Variants in KIF21B observed in about 807,000 individuals in gnomAD.
KIF21B encodes kinesin-like protein KIF21B.
KIF21B carries 85 observed loss-of-function variants against 192.9 expected under a neutral mutation model. The ratio of observed to expected loss-of-function variants is 0.44; its 90% confidence interval spans 0.37 to 0.53. The LOEUF is 0.53. Ranked by LOEUF, KIF21B falls within the 20% of genes least tolerant of loss-of-function variation. The probability of loss-of-function intolerance (pLI) is 0.00; values close to 1 mark genes in which losing one functional copy is unlikely to be tolerated. For synonymous variants in KIF21B, 832 were observed against 884.6 expected (o/e 0.94, Z 1.05); for missense variants, 1,716 against 2,194.8 (o/e 0.78, Z 4.36).
Position 200,984,929 on chromosome 1 carries a change from G to A in KIF21B, c.3733C>T (p.Arg1245Trp), listed in dbSNP as rs781065888. Residue 1245 changes from arginine to tryptophan, a missense_variant, in exon 27 of 35, where the codon CGG becomes TGG. Around this residue, in one of 3 missense-constraint regions of KIF21B, gnomAD observed 580 missense variants for 775.5 expected, o/e 0.75. Coordinates refer to ENST00000461742, the MANE Select transcript of KIF21B (RefSeq NM_001252102.2). ...GFTPPSSPPT[R>W]PRNDRNVFSR... ...AAGACATTGCGGTCATTGCGGGGCC[G>A]AGTGGGAGGGGATGATGGGGGTGTG... The A allele has an allele frequency of 1.3e-5, 21 of 1,607,224 alleles. No homozygotes were observed. The highest frequency in any genetic ancestry group is 5.5e-5 in the South Asian group (5 of 90,178).
At chr1:201,012,240 G>A (rs1658273858) in intron 1 of KIF21B, among the ~76,000 whole-genome samples, 1 of 152,148 alleles carries the variant, frequency 6.6e-6, no homozygotes, top group Non-Finnish European at 1.5e-5. Flanking sequence ...AGGTGAGCAT[G>A]CCTGAGCAGT....
At chr1:200,986,518 T>C (rs1656313049) in intron 26 of KIF21B, among the ~76,000 whole-genome samples, 1 of 151,976 alleles carries the variant, frequency 6.6e-6, no homozygotes, top group Non-Finnish European at 1.5e-5. Context: ...CCACTATGCC[T>C]GGCTAATTTT....
chr1:200,996,699 T>C (rs1657090051), intron 14 of KIF21B, among the ~76,000 whole-genome samples: 1 of 152,084 alleles, frequency 6.6e-6, no homozygotes, highest in Non-Finnish European at 1.5e-5. Flanking sequence ...GCTGGCTGGG[T>C]TCTGACCCAT....
Position 200,974,712 on chromosome 1 carries a change from A to C in KIF21B, c.4814+2T>G. On this transcript the variant is annotated splice_donor_variant, in intron 34 of 34. Transcript: ENST00000461742. LOFTEE classifies it high-confidence loss of function. ...AGGCAGACCTCTCTGACCAGCACCC[A>C]CCTGGAGGCTGTGAAGATATGCTTG... The C allele has an allele frequency of 6.2e-7, 1 of 1,614,112 alleles. No individual in the cohort carries two copies. The highest frequency in any genetic ancestry group is 8.5e-7 in the Non-Finnish European group (1 of 1,179,976).
At chr1:200,984,762 G>T in intron 27 of KIF21B, 97 bp downstream of exon 27, 1 of 833,968 alleles carries the variant, frequency 1.2e-6, no homozygotes, top group Non-Finnish European at 1.8e-6. Context: ...GGCTGGGGTT[G>T]GCTTGGCCAC....
In KIF21B at chr1:200,974,767, G is replaced by T. The variant is rs1263742406; in HGVS notation, c.4761C>A (p.Asp1587Glu). Residue 1587 changes from aspartate (D) to glutamate (E), a missense_variant, in exon 34 of 35, where the codon GAC (aspartate) becomes GAA (glutamate). By Grantham distance (45) the Asp-to-Glu change is conservative (BLOSUM62 2). Transcript: ENST00000461742. Reference sequence around the variant, plus strand: ...TGGTGCAGATGGCATTGATGGGACTGTCGTGGCCCTTGATCTCACCGATGG... The same window carrying T: ...TGGTGCAGATGGCATTGATGGGACTTTCGTGGCCCTTGATCTCACCGATGG... Reference protein sequence around the residue: ...FTPIGEIKGHDSPINAICTNA... With the variant: ...FTPIGEIKGHESPINAICTNA... 3.1e-6 allele frequency: 5 copies of T among 1,614,248 alleles called. No homozygotes were observed. The highest frequency in any genetic ancestry group is 4.2e-6 in the Non-Finnish European group (5 of 1,180,022).
Position 200,983,064 on chromosome 1 carries a change from C to T in KIF21B, c.3834G>A (p.Glu1278=). 1 of 1,536,124 alleles carries T rather than the reference C, an allele frequency of 6.5e-7. No individual in the cohort carries two copies. The highest frequency in any genetic ancestry group is 8.7e-7 in the Non-Finnish European group (1 of 1,146,878). Residue 1278 remains glutamate, a synonymous_variant, in exon 28 of 35, where the codon GAG becomes GAA. Coordinates refer to ENST00000461742, the MANE Select transcript of KIF21B (RefSeq NM_001252102.2). The part of the protein sequence containing the change: ...KSDDSDSSLS[E]VLRGIISPVG... The stretch of plus-strand genomic sequence containing the variant: ...AGACATTCTGTGTGTACCTCAGGAC[C>T]TCCGACAAAGAGGAGTCGCTGTCAT...
chr1:200,992,753 G>A (rs1656789242), intron 15 of KIF21B, among the ~76,000 whole-genome samples: 1 of 152,244 alleles, frequency 6.6e-6, no homozygotes, highest in Admixed American at 6.5e-5. Flanking sequence ...GCTGGAGGCA[G>A]GTAATCCTCT....
At chr1:200,980,642 G>C (rs1655850716) in intron 29 of KIF21B, among the ~76,000 whole-genome samples, 1 of 152,232 alleles carries the variant, frequency 6.6e-6, no homozygotes, top group Admixed American at 6.5e-5. Context: ...GGAGTGCCTA[G>C]ATGTATGAGC....
chr1:201,013,027 G>C (rs918867883), intron 1 of KIF21B, among the ~76,000 whole-genome samples: 1 of 152,196 alleles, frequency 6.6e-6, no homozygotes, highest in Admixed American at 6.5e-5. Flanking sequence ...AAGGAGTCCT[G>C]CATGTCTGTT....
At chr1:200,973,867 C>T (rs1655365078) in intron 34 of KIF21B, 1 of 1,446,130 alleles carries the variant, frequency 6.9e-7, no homozygotes. Flanking sequence ...TGCTCCCTGG[C>T]ACCCATCTCC....
In KIF21B at chr1:200,980,948, C is replaced by A. The variant is rs571173675; in HGVS notation, c.3979+12G>T. 8.7e-6 allele frequency: 14 copies of A among 1,606,522 alleles called. No homozygotes were observed. The highest frequency in any genetic ancestry group is 1.3e-5 in the African/African-American group (1 of 74,520). ...ACCCCAACCCTACCTGGCTAGTTGG[C>A]GTTCCACATACCTTTGGACCCTGTG... On this transcript the variant is annotated intron_variant, in intron 29 of 34. Transcript: ENST00000461742.
chr1:200,991,693 C>T lies in KIF21B; in HGVS notation c.2418G>A (p.Arg806=). The change falls in exon 17 of 35, where the codon CGG becomes CGA. Residue 806 remains arginine (R), a synonymous_variant. Coordinates refer to ENST00000461742, the MANE Select transcript of KIF21B (RefSeq NM_001252102.2). ...FQIRALESQK[R]QQEMVLRRKT... ...TCCTCCTCAGGACCATCTCCTGCTGCCGCTTCTGGGACTCCAGAGCTCGGA... is the reference window on the plus strand; with the variant it reads ...TCCTCCTCAGGACCATCTCCTGCTGTCGCTTCTGGGACTCCAGAGCTCGGA... 1 of 1,614,186 alleles carries T rather than the reference C, an allele frequency of 6.2e-7. No individual in the cohort carries two copies. The highest frequency in any genetic ancestry group is 8.5e-7 in the Non-Finnish European group (1 of 1,180,042).
chr1:201,000,322 T>C lies in KIF21B; in HGVS notation c.1685+68A>G, dbSNP rs1165102234. The C allele has an allele frequency of 4.9e-6, 7 of 1,442,264 alleles. No individual in the cohort carries two copies. Among genetic ancestry groups the C allele is most frequent in the Admixed American group, 4.5e-5 (2 of 44,016 alleles). The allele number at this position is 1,442,264 out of a possible 1,614,324, so 89.3% of individuals were successfully genotyped here. On this transcript the variant is annotated intron_variant, in intron 11 of 34. Transcript: ENST00000461742. The surrounding 1 kb of genome is among the most constrained non-coding windows in gnomAD (Gnocchi z 6.0). ...AAACACTGGTGGGCAGCAGTCCTCC[T>C]TGGGGACGGGCAGGGTCCACTGGGG...
Position 200,991,113 on chromosome 1 carries a change from C to T in KIF21B, c.2491G>A (p.Glu831Lys), listed in dbSNP as rs760879983. 2 of 1,613,678 alleles carry T rather than the reference C, an allele frequency of 1.2e-6. No individual in the cohort carries two copies. The highest frequency in any genetic ancestry group is 2.7e-5 in the African/African-American group (2 of 74,942). Residue 831 changes from glutamate to lysine, a missense_variant, in exon 18 of 35, where the codon GAG becomes AAG. Transcript: ENST00000461742. ...ALRRLAKPMS[E>K]RVAGRAGLKP... ...AGTCCTGCACGCCCTGCCACCCGCT[C>T]AGACATGGGCTTGGCCAGGCGCCTC...
In KIF21B at chr1:201,000,883, G is replaced by A. The variant is rs146640620; in HGVS notation, c.1403-103C>T. 108 of 1,162,776 alleles carry A rather than the reference G, an allele frequency of 9.3e-5. No homozygotes were observed. In the African/African-American group the frequency reaches 1.1e-3, roughly 12 times the overall value. 72.0% of individuals were successfully genotyped at this position (1,162,776 alleles called of 1,614,324 possible). ...AGCACTTTGGGAGGCCAAGGCGGGC[G>A]GATCACCTGAGGCTGGGAGTTCGAG... On this transcript the variant is annotated intron_variant, in intron 9 of 34. Transcript: ENST00000461742. The surrounding 1 kb of genome is among the most constrained non-coding windows in gnomAD (Gnocchi z 6.0).
chr1:200,998,195 T>C lies in KIF21B; in HGVS notation c.2077+189A>G, dbSNP rs1225669358. 6.6e-6 allele frequency among the ~76,000 whole-genome samples: 1 copy of C among 152,160 alleles called. No homozygotes were observed. The highest frequency in any genetic ancestry group is 1.5e-5 in the Non-Finnish European group (1 of 68,032). On this transcript the variant is annotated intron_variant, in intron 14 of 34. Coordinates refer to ENST00000461742, the MANE Select transcript of KIF21B (RefSeq NM_001252102.2). This position sits in a 1 kb window ranked among gnomAD's most constrained non-coding sequence, Gnocchi z 4.3. ...GCAAAGAAAAAAAATCAATTTACAA[T>C]GTTTCATAGGAACTAGGGTTAGACG... is the stretch of plus-strand genomic sequence containing the variant.
Position 200,975,687 on chromosome 1 carries a change from A to G in KIF21B, c.4444-18T>C, listed in dbSNP as rs201413281. 2.2e-5 allele frequency: 35 copies of G among 1,594,950 alleles called. No individual in the cohort carries two copies. The highest frequency in any genetic ancestry group is 2.1e-4 in the African/African-American group (16 of 74,796). On this transcript the variant is annotated intron_variant, in intron 32 of 34. Coordinates refer to ENST00000461742, the MANE Select transcript of KIF21B (RefSeq NM_001252102.2). The surrounding 1 kb of genome is among the most constrained non-coding windows in gnomAD (Gnocchi z 4.3). ...TCGAACATCTGTGGGAGGAGGGGCC[A>G]GTAGGGAGAGGCCAAGTGGGAGGAT...
intron 22 of KIF21B, 79 bp from the exon 23 acceptor site, chr1:200,988,623 T>A: frequency 1.4e-6 from 2 of 1,442,972 alleles, no homozygotes; most frequent in Non-Finnish European, 1.9e-6. Context: ...GTCTCCCTCC[T>A]ATATCTCACC....
Sources: gnomAD v4.1 joint callset for allele counts (sites outside exome capture counted in the v4.1 genomes callset) on GRCh38, gnomAD v4.1.1 for gene constraint, gnomAD v4.1.1 regional missense constraint, Gnocchi (gnomAD v3.1) non-coding constraint, MANE v1.5 for transcripts, NCBI Gene and HGNC (gene_info 2026-07-23, HGNC 2026-07-21) for gene names.